SLC39A14: variants seen among roughly 807,000 people sequenced by gnomAD.
The protein encoded by SLC39A14 is metal cation symporter ZIP14.
In SLC39A14, 19 loss-of-function variants were observed where a neutral mutation model predicts 45.5. The ratio of observed to expected loss-of-function variants is 0.42; its 90% confidence interval spans 0.29 to 0.61. The LOEUF is 0.61. Ranked by LOEUF, SLC39A14 falls within the 20% of genes least tolerant of loss-of-function variation. The pLI is 0.22. For missense variants in SLC39A14, 447 were observed against 616.5 expected (o/e 0.73, Z 2.91); for synonymous variants, 264 against 251.3 (o/e 1.05, Z -0.48).
chr8:22,371,396 TA>T (rs1158111835), intron 1 of SLC39A14, among the ~76,000 whole-genome samples: 21 of 122,328 alleles, frequency 1.7e-4, no homozygotes, highest in Non-Finnish European at 2.8e-4. Flanking sequence ...GTTGGATATC[TA>T]AAAAAAAAAT....
chr8:22,396,585 A>G (rs535023099), intron 1 of SLC39A14, among the ~76,000 whole-genome samples: 4 of 92,454 alleles, frequency 4.3e-5, no homozygotes, highest in Non-Finnish European at 8.8e-5. Context: ...AGAGAGAGAG[A>G]GAGAGAGAGA....
At chr8:22,422,825 T>TG (rs1385779278), downstream of SLC39A14, 7 of 531,218 alleles carry the variant, frequency 1.3e-5, no homozygotes, top group East Asian at 2.2e-4. Flanking sequence ...AGAAGGTTTT[T>TG]TTTGTTGTTG....
downstream of SLC39A14, among the ~76,000 whole-genome samples, chr8:22,427,487 G>T (rs1363304867): frequency 1.3e-5 from 2 of 151,382 alleles, no homozygotes; most frequent in Non-Finnish European, 2.9e-5. Context: ...AAAGGATTAG[G>T]TCTTTAATTA....
chr8:22,425,492 C>T (rs1012418873), downstream of SLC39A14, among the ~76,000 whole-genome samples: 3 of 150,592 alleles, frequency 2.0e-5, no homozygotes, highest in Admixed American at 6.6e-5. Flanking sequence ...GTTTTTGATG[C>T]GTGGGAAAAC....
intron 1 of SLC39A14, among the ~76,000 whole-genome samples, chr8:22,389,428 G>A (rs1039424268): frequency 2.6e-5 from 4 of 151,780 alleles, no homozygotes; most frequent in Admixed American, 6.6e-5. Flanking sequence ...AGGAGATCGC[G>A]CAGGGGGAGG....
intron 1 of SLC39A14, among the ~76,000 whole-genome samples, chr8:22,400,548 C>T (rs770225576): frequency 1.3e-5 from 2 of 152,166 alleles, no homozygotes; most frequent in East Asian, 1.9e-4. Flanking sequence ...CCACCCTGCT[C>T]GCCAAAATTT....
At chr8:22,379,917 G>C (rs1187309290) in intron 1 of SLC39A14, among the ~76,000 whole-genome samples, 1 of 114,296 alleles carries the variant, frequency 8.7e-6, no homozygotes, top group East Asian at 2.7e-4. Flanking sequence ...GACAGAGTGA[G>C]ACTCCATCTC....
In SLC39A14 at chr8:22,417,836, G is replaced by A; in HGVS notation, c.1332+1G>A. 1.2e-6 allele frequency: 2 copies of A among 1,613,198 alleles called. No homozygotes were observed. The highest frequency in any genetic ancestry group is 1.7e-6 in the Non-Finnish European group (2 of 1,179,808). ...CTTGTATATTTCTCTGGCTGATATG[G>A]TAAGTGTTCCACAGTTCACTGGATG... On this transcript the variant is annotated splice_donor_variant, in intron 8 of 8. Transcript: ENST00000381237. LOFTEE classifies it high-confidence loss of function.
chr8:22,370,128 T>A (rs1832848092), intron 1 of SLC39A14, among the ~76,000 whole-genome samples: 1 of 152,170 alleles, frequency 6.6e-6, no homozygotes, highest in Admixed American at 6.5e-5. Flanking sequence ...TGCCTGTGTG[T>A]GCCTGGGTGG....
rs139807255 is a variant in SLC39A14 at position 22,375,782 on chromosome 8, C to A, written c.-16+8374C>A. ...GGATTACAGGCATGAGCCACTGCAC[C>A]CAGCCATGGCTGTATCTTAGTTTGC... On this transcript the variant is annotated intron_variant, in intron 1 of 8. Coordinates refer to ENST00000381237, the MANE Select transcript of SLC39A14 (RefSeq NM_001128431.4). 4.7e-3 allele frequency among the ~76,000 whole-genome samples: 712 copies of A among 152,206 alleles called. 8 individuals are homozygous for A. Among genetic ancestry groups the A allele is most frequent in the African/African-American group, 0.017 (690 of 41,522 alleles).
Position 22,414,875 on chromosome 8 carries a change from G to A in SLC39A14, c.723G>A (p.Leu241=), listed in dbSNP as rs1407341801. The part of the protein sequence containing the change: ...FYLFFFTEKI[L]KILLKQKNEH... ...TTTTCTTTTTCACAGAGAAGATCTT[G>A]AAGATTCTTCTTAAGCAGAAAAATG... Residue 241 remains leucine (L), a synonymous_variant, in exon 5 of 9, where the codon TTG becomes TTA. Coordinates refer to ENST00000381237, the MANE Select transcript of SLC39A14 (RefSeq NM_001128431.4). 3 of 1,613,140 alleles carry A rather than the reference G, an allele frequency of 1.9e-6. No homozygotes were observed. Among genetic ancestry groups the A allele is most frequent in the Non-Finnish European group, 8.5e-7 (1 of 1,179,748 alleles).
chr8:22,372,234 A>T (rs11136010), intron 1 of SLC39A14, among the ~76,000 whole-genome samples: 1 of 151,628 alleles, frequency 6.6e-6, no homozygotes, highest in African/African-American at 2.4e-5. Flanking sequence ...TTTTTTTCCT[A>T]CTAGGCTCCG....
rs977482751 is a variant in SLC39A14 at position 22,420,702 on chromosome 8, G to A, written c.*1004G>A. 9.1e-6 allele frequency: 9 copies of A among 985,390 alleles called. No individual in the cohort carries two copies. In the South Asian group the frequency reaches 3.8e-4, roughly 41 times the overall value. 61.0% of individuals were successfully genotyped at this position (985,390 alleles called of 1,614,324 possible). On this transcript the variant is annotated 3_prime_UTR_variant, in exon 9 of 9. Transcript: ENST00000381237. Reference sequence around the variant, plus strand: ...CCATTTATGCTCTACTTAGACAAGGGTAATCAGAAATGGAATCAGTGCAGG... The same window carrying A: ...CCATTTATGCTCTACTTAGACAAGGATAATCAGAAATGGAATCAGTGCAGG...
chr8:22,410,094 G>T, intron 3 of SLC39A14: 4 of 1,614,134 alleles, frequency 2.5e-6, no homozygotes, highest in South Asian at 2.2e-5. Context: ...TGTCTAACGC[G>T]CTATTCCAGC....
At chr8:22,375,205 T>C (rs952597573) in intron 1 of SLC39A14, among the ~76,000 whole-genome samples, 2 of 148,140 alleles carry the variant, frequency 1.4e-5, no homozygotes, top group African/African-American at 4.9e-5. Context: ...CCAGAAACTG[T>C]AATAGATGTG....
At chr8:22,417,597 G>C in intron 7 of SLC39A14, 54 bp from the exon 8 acceptor site, 2 of 1,465,530 alleles carry the variant, frequency 1.4e-6, no homozygotes, top group Non-Finnish European at 1.9e-6. Context: ...CATTCACCAT[G>C]CCCATCTTAC....
At chr8:22,393,158 C>T (rs927922805) in intron 1 of SLC39A14, 37 of 978,242 alleles carry the variant, frequency 3.8e-5, no homozygotes, top group East Asian at 1.1e-4. Flanking sequence ...ACCCTGGGTG[C>T]GCTTTGACTG....
intron 1 of SLC39A14, among the ~76,000 whole-genome samples, chr8:22,382,711 G>A (rs1407596629): frequency 6.6e-6 from 1 of 151,958 alleles, no homozygotes; most frequent in Non-Finnish European, 1.5e-5. Flanking sequence ...ACAACCTTGA[G>A]GGTTTTGTTT....
At chr8:22,373,517 G>A (rs2132160665) in intron 1 of SLC39A14, among the ~76,000 whole-genome samples, 1 of 152,148 alleles carries the variant, frequency 6.6e-6, no homozygotes, top group Middle Eastern at 3.4e-3. Context: ...TTCTACCTTA[G>A]AAATTTCTCA....
Sources: allele counts gnomAD v4.1 joint callset (sites outside exome capture counted in the v4.1 genomes callset), GRCh38; gene constraint gnomAD v4.1.1; transcripts MANE v1.5; gene names NCBI Gene and HGNC (gene_info 2026-07-23, HGNC 2026-07-21).